The following LRBA variants were observed in gnomAD, a reference collection of about 807,000 sequenced individuals.
LRBA encodes the protein LPS responsive beige-like anchor protein.
In LRBA, 176 loss-of-function variants were observed where a neutral mutation model predicts 330.0. The ratio of observed to expected loss-of-function variants is 0.53; its 90% CI spans 0.47 to 0.60. The LOEUF (loss-of-function observed/expected upper bound fraction) is 0.60. Among genes scored for constraint, LRBA ranks in the 20% least tolerant of loss-of-function variants. The pLI is 0.00. For missense variants in LRBA, 3,259 were observed against 3,444.8 expected, an observed-to-expected ratio of 0.95 and a Z score of 1.35; for synonymous variants, 1,230 against 1,193.0, an observed-to-expected ratio of 1.03 and a Z score of -0.64.
chr4:150,875,727 A>G (rs980126453), intron 17 of LRBA, among the ~76,000 whole-genome samples: 2 of 152,192 alleles, frequency 1.3e-5, no homozygotes, highest in Admixed American at 1.3e-4. Flanking sequence ...CATTACAGAG[A>G]AAGAAAAAAA....
At chr4:150,265,923 G>A (rs760071036) in intron 56 of LRBA, 111 bp from the exon 57 acceptor site, 2 of 696,258 alleles carry the variant, frequency 2.9e-6, no homozygotes, top group South Asian at 3.2e-5. Flanking sequence ...GGCAGTGAAG[G>A]CTCCAATTTG....
At chr4:150,844,063 A>G in intron 28 of LRBA, 37 bp downstream of exon 28, 1 of 1,237,846 alleles carries the variant, frequency 8.1e-7, no homozygotes, top group South Asian at 1.3e-5. Flanking sequence ...AATATGCATC[A>G]GTTAAGAGAG....
chr4:150,933,427 T>C lies in LRBA; in HGVS notation c.217-4362A>G, dbSNP rs72719693. On this transcript the variant is annotated intron_variant, in intron 2 of 56. Transcript: ENST00000651943. ...ACTATACAATGAAATATGATGTACA[T>C]ATAGAAAAGAATGAGGCCACTCCAC... 2.8e-3 allele frequency among the ~76,000 whole-genome samples: 425 copies of C among 150,056 alleles called. 2 individuals are homozygous for C. The highest frequency in any genetic ancestry group is 5.0e-3 in the Non-Finnish European group (337 of 67,640).
At chr4:150,892,542 T>A (rs538272909) in intron 17 of LRBA, among the ~76,000 whole-genome samples, 61 of 152,318 alleles carry the variant, frequency 4.0e-4, no homozygotes, top group African/African-American at 1.3e-3. Context: ...CCGACTGGCA[T>A]CTTGATCTTA....
At chr4:150,332,780 G>T (rs1320698697) in intron 48 of LRBA, among the ~76,000 whole-genome samples, 1 of 152,060 alleles carries the variant, frequency 6.6e-6, no homozygotes, top group African/African-American at 2.4e-5. Context: ...TCCAGATGTT[G>T]AGATATATAG....
chr4:150,851,169 T>C (rs1025934583), intron 23 of LRBA, among the ~76,000 whole-genome samples: 1 of 152,238 alleles, frequency 6.6e-6, no homozygotes, highest in Non-Finnish European at 1.5e-5. Context: ...TGTAGCATTT[T>C]ATAAAAGAAT....
intron 2 of LRBA, among the ~76,000 whole-genome samples, chr4:150,982,883 G>GTA: frequency 6.6e-6 from 1 of 152,260 alleles, no homozygotes. Context: ...TGTGATCTAT[G>GTA]GATTTACACA....
chr4:150,759,657 A>G, intron 35 of LRBA, among the ~76,000 whole-genome samples: 1 of 151,852 alleles, frequency 6.6e-6, no homozygotes, highest in East Asian at 1.9e-4. Flanking sequence ...CGTCATTCAC[A>G]TATTATATAA....
chr4:150,467,646 T>C, intron 44 of LRBA, 27 bp downstream of exon 44: 2 of 1,295,106 alleles, frequency 1.5e-6, no homozygotes, highest in Non-Finnish European at 2.2e-6. Context: ...AAGACAATTA[T>C]ATTTCACATC....
At chr4:150,741,237 A>G (rs912610229) in intron 35 of LRBA, among the ~76,000 whole-genome samples, 1 of 152,254 alleles carries the variant, frequency 6.6e-6, no homozygotes, top group South Asian at 2.1e-4. Context: ...CAAACTTCAG[A>G]GAGAGAGAAT....
In LRBA at chr4:150,456,732, A is replaced by G. The variant is rs117081089; in HGVS notation, c.6780+10941T>C. 6.2e-4 allele frequency among the ~76,000 whole-genome samples: 95 copies of G among 152,150 alleles called. No homozygotes were observed. In the East Asian group the frequency reaches 0.01, roughly 17 times the overall value. ...TGGTTGCCTGTGCTTATGGGGCACTACTCAAGAAATCTTTGTGTAGACCAA... is the reference window on the plus strand; with the variant it reads ...TGGTTGCCTGTGCTTATGGGGCACTGCTCAAGAAATCTTTGTGTAGACCAA... On this transcript the variant is annotated intron_variant, in intron 44 of 56. Transcript: ENST00000651943.
intron 2 of LRBA, among the ~76,000 whole-genome samples, chr4:150,977,992 C>T (rs1408417419): frequency 6.6e-6 from 1 of 152,268 alleles, no homozygotes; most frequent in Non-Finnish European, 1.5e-5. Flanking sequence ...ATAAGCCTTA[C>T]TGGCTTCGCC....
intron 40 of LRBA, among the ~76,000 whole-genome samples, chr4:150,515,562 T>C (rs1434866368): frequency 1.3e-5 from 2 of 152,098 alleles, no homozygotes; most frequent in Non-Finnish European, 2.9e-5. Flanking sequence ...GCACTATGCA[T>C]GGGTTAGCAA....
At chr4:150,656,409 G>T (rs1369151216) in intron 37 of LRBA, among the ~76,000 whole-genome samples, 1 of 152,136 alleles carries the variant, frequency 6.6e-6, no homozygotes, top group African/African-American at 2.4e-5. Context: ...GTTGTTGTGG[G>T]TTTTGTTTTC....
intron 48 of LRBA, among the ~76,000 whole-genome samples, chr4:150,331,969 T>C (rs1282793036): frequency 6.6e-6 from 1 of 152,178 alleles, no homozygotes; most frequent in African/African-American, 2.4e-5. Context: ...TGATAATAAC[T>C]GTCAATATTT....
At chr4:150,547,392 G>C (rs1765979922) in intron 40 of LRBA, among the ~76,000 whole-genome samples, 1 of 152,136 alleles carries the variant, frequency 6.6e-6, no homozygotes, top group South Asian at 2.1e-4. Flanking sequence ...AAAAGCAAAA[G>C]TGAAGAAAAT....
chr4:150,852,879 T>C lies in LRBA; in HGVS notation c.2831A>G (p.Asp944Gly). Residue 944 changes from aspartate to glycine, a missense_variant, in exon 23 of 57, where the codon GAT (aspartate) becomes GGT (glycine). Coordinates refer to ENST00000651943, the MANE Select transcript of LRBA (RefSeq NM_001364905.1). ...NIFREQQGKV[D>G]EEIGLCSSTS... ...TGAAGAACACAGCCCTATTTCTTCA[T>C]CAACTTTTCCTTGCTGTTCCCTAAA... is the stretch of plus-strand genomic sequence containing the variant. 1 of 1,609,844 alleles carries C rather than the reference T, an allele frequency of 6.2e-7. No individual in the cohort carries two copies. Among genetic ancestry groups the C allele is most frequent in the African/African-American group, 1.3e-5 (1 of 74,862 alleles).
intron 42 of LRBA, among the ~76,000 whole-genome samples, chr4:150,476,688 C>A (rs375976350): frequency 5.7e-4 from 86 of 152,210 alleles, no homozygotes; most frequent in African/African-American, 2.1e-3. Flanking sequence ...AAAGGAAATG[C>A]CTGAAAACAA....
chr4:150,867,532 G>C, intron 22 of LRBA, 139 bp downstream of exon 22: 1 of 597,148 alleles, frequency 1.7e-6, no homozygotes, highest in Non-Finnish European at 2.8e-6. Flanking sequence ...TAATCTTTTT[G>C]AGCTTTCATT....
Sources: allele counts gnomAD v4.1 joint callset (sites outside exome capture counted in the v4.1 genomes callset), GRCh38; gene constraint gnomAD v4.1.1; transcripts MANE v1.5; gene names NCBI Gene and HGNC (gene_info 2026-07-23, HGNC 2026-07-21).